The following PXDNL variants were observed in gnomAD, a reference collection of about 807,000 sequenced individuals.
The protein encoded by PXDNL is probable oxidoreductase PXDNL.
PXDNL carries 145 observed loss-of-function variants against 150.8 expected under a neutral mutation model. The ratio of observed to expected loss-of-function variants is 0.96; its 90% CI spans 0.84 to 1.10. The LOEUF (loss-of-function observed/expected upper bound fraction) is 1.10, where lower values mean the gene tolerates loss of function less well. Among genes scored for constraint, PXDNL ranks in the 50% least tolerant of loss-of-function variants. The pLI, the probability that PXDNL is intolerant of heterozygous loss-of-function variation, is 0.00. For synonymous variants in PXDNL, 757 were observed against 725.7 expected, an observed-to-expected ratio of 1.04 and a Z score of -0.69; for missense variants, 2,087 against 1,873.9, an observed-to-expected ratio of 1.11 and a Z score of -2.10.
Position 51,411,412 on chromosome 8 carries a change from A to C in PXDNL, c.1905-5T>G. On this transcript the variant is annotated splice_polypyrimidine_tract_variant and splice_region_variant and intron_variant, in intron 15 of 22. Transcript: ENST00000356297. ...TCACTGGAGGTGTGAGGTTTTCTGC[A>C]AATGACAAAACACATGATTCTTTAC... is the stretch of plus-strand genomic sequence containing the variant. 6.4e-7 allele frequency: 1 copy of C among 1,569,824 alleles called. No individual in the cohort carries two copies. The highest frequency in any genetic ancestry group is 8.6e-7 in the Non-Finnish European group (1 of 1,164,326).
intron 9 of PXDNL, among the ~76,000 whole-genome samples, chr8:51,454,863 C>G (rs1168794013): frequency 1.3e-5 from 2 of 152,170 alleles, no homozygotes; most frequent in Non-Finnish European, 2.9e-5. Flanking sequence ...GGACAGAACA[C>G]ATCATCTGTA....
intron 19 of PXDNL, among the ~76,000 whole-genome samples, chr8:51,354,537 AG>A (rs1372354900): frequency 6.6e-6 from 1 of 152,110 alleles, no homozygotes; most frequent in African/African-American, 2.4e-5. Context: ...AGATTCTAAA[AG>A]GGAAGGTCAT....
At chr8:51,457,739 TATAGTA>T in intron 8 of PXDNL, 72 bp from the exon 9 acceptor site, 1 of 1,062,096 alleles carries the variant, frequency 9.4e-7, no homozygotes. Flanking sequence ...AGACTGAGAA[TATAGTA>T]CTATATAGCT....
At chr8:51,341,357 A>T (rs1029446483) in intron 20 of PXDNL, among the ~76,000 whole-genome samples, 4 of 152,186 alleles carry the variant, frequency 2.6e-5, no homozygotes, top group African/African-American at 9.7e-5. Context: ...TATACCTGTG[A>T]TATTACAAAG....
chr8:51,483,834 G>A (rs1810661046), intron 5 of PXDNL, 120 bp from the exon 6 acceptor site: 3 of 625,664 alleles, frequency 4.8e-6, no homozygotes, highest in African/African-American at 3.7e-5. Flanking sequence ...GTGAGAAAGG[G>A]CAAACAGAAG....
rs959478317 is a variant in PXDNL at position 51,377,594 on chromosome 8, G to C, written c.3558-2863C>G. Among the ~76,000 whole-genome samples, 12 of 152,230 alleles carry C rather than the reference G, an allele frequency of 7.9e-5. 1 individual carries two copies. The highest frequency in any genetic ancestry group is 2.2e-4 in the African/African-American group (9 of 41,464). Reference sequence around the variant, plus strand: ...CGAGTTCCGGGTGGGCGTGGGCTCAGCTGGCACACACTGAGAGCAGCTCGC... The same window carrying C: ...CGAGTTCCGGGTGGGCGTGGGCTCACCTGGCACACACTGAGAGCAGCTCGC... On this transcript the variant is annotated intron_variant, in intron 17 of 22. Transcript: ENST00000356297.
intron 21 of PXDNL, among the ~76,000 whole-genome samples, chr8:51,324,014 A>C (rs1329266335): frequency 6.6e-6 from 1 of 152,118 alleles, no homozygotes. Context: ...CTTTTATTCC[A>C]GGCTTAACTA....
At chr8:51,808,395 G>A (rs1372503287) in intron 1 of PXDNL, among the ~76,000 whole-genome samples, 1 of 151,712 alleles carries the variant, frequency 6.6e-6, no homozygotes, top group African/African-American at 2.4e-5. Flanking sequence ...TTTAAAAATA[G>A]ACCCTAGAAA....
chr8:51,648,083 G>T (rs539399828), intron 2 of PXDNL, among the ~76,000 whole-genome samples: 56 of 152,230 alleles, frequency 3.7e-4, no homozygotes, highest in African/African-American at 1.3e-3. Context: ...CAACTCAAAA[G>T]TAGGGTGTCT....
At chr8:51,595,167 C>G (rs1813537549) in intron 2 of PXDNL, among the ~76,000 whole-genome samples, 1 of 151,998 alleles carries the variant, frequency 6.6e-6, no homozygotes, top group Admixed American at 6.6e-5. Flanking sequence ...AAAAGAGGAA[C>G]CAGCAATATG....
chr8:51,775,176 T>C (rs4873601), intron 1 of PXDNL, among the ~76,000 whole-genome samples: 146,648 of 152,276 alleles, frequency 0.96, 70,711 homozygotes, highest in East Asian at 1. Context: ...AAGGCCATTA[T>C]TACAAATTTA....
intron 2 of PXDNL, among the ~76,000 whole-genome samples, chr8:51,643,097 T>A (rs1161697251): frequency 6.6e-6 from 1 of 152,052 alleles, no homozygotes; most frequent in Non-Finnish European, 1.5e-5. Context: ...GAATCAATAT[T>A]GTGAAAATGG....
chr8:51,715,738 C>T (rs184003254), intron 1 of PXDNL, among the ~76,000 whole-genome samples: 2 of 152,172 alleles, frequency 1.3e-5, no homozygotes, highest in East Asian at 3.9e-4. Context: ...GTTAATGGTG[C>T]GGAGGTACCA....
chr8:51,361,571 CACTT>C (rs1479844680), intron 19 of PXDNL, among the ~76,000 whole-genome samples: 1 of 152,180 alleles, frequency 6.6e-6, no homozygotes, highest in Non-Finnish European at 1.5e-5. Context: ...AAGCAGCAAA[CACTT>C]ATAGAAGTGG....
intron 4 of PXDNL, among the ~76,000 whole-genome samples, chr8:51,551,085 AC>A (rs1812469893): frequency 6.6e-6 from 1 of 152,022 alleles, no homozygotes; most frequent in African/African-American, 2.4e-5. Flanking sequence ...CAACAAACAA[AC>A]AAACAAACAA....
At chr8:51,552,287 T>G (rs1305756478) in intron 4 of PXDNL, among the ~76,000 whole-genome samples, 1 of 152,190 alleles carries the variant, frequency 6.6e-6, no homozygotes, top group African/African-American at 2.4e-5. Flanking sequence ...CTTAAAGAAC[T>G]AAAAGTAGAA....
At chr8:51,421,479 C>G (rs1808951598) in intron 14 of PXDNL, among the ~76,000 whole-genome samples, 1 of 152,144 alleles carries the variant, frequency 6.6e-6, no homozygotes, top group Admixed American at 6.5e-5. Flanking sequence ...GTGGGCAGAT[C>G]ACCTGAGGTC....
chr8:51,501,459 CAT>C (rs900265834), intron 4 of PXDNL, among the ~76,000 whole-genome samples: 2 of 151,738 alleles, frequency 1.3e-5, no homozygotes, highest in African/African-American at 4.9e-5. Flanking sequence ...TACATATACT[CAT>C]ATGCACTACC....
intron 5 of PXDNL, among the ~76,000 whole-genome samples, chr8:51,490,695 T>C (rs1810870614): frequency 6.8e-6 from 1 of 147,486 alleles, no homozygotes; most frequent in African/African-American, 2.5e-5. Flanking sequence ...CACATACAAA[T>C]AGTTCACTCA....
Sources: gnomAD v4.1 joint callset for allele counts (sites outside exome capture counted in the v4.1 genomes callset) on GRCh38, gnomAD v4.1.1 for gene constraint, MANE v1.5 for transcripts, NCBI Gene and HGNC (gene_info 2026-07-23, HGNC 2026-07-21) for gene names.